VEPH1: variants seen among roughly 807,000 people sequenced by gnomAD.
VEPH1 encodes the protein ventricular zone expressed PH domain containing 1.
In VEPH1, 80 loss-of-function variants were observed where a neutral mutation model predicts 85.2. The ratio of observed to expected loss-of-function variants is 0.94; its 90% CI spans 0.78 to 1.13. VEPH1 has a LOEUF of 1.13. Ranked by LOEUF, VEPH1 falls within the 50% of genes most tolerant of loss-of-function variation. The probability of loss-of-function intolerance (pLI) is 0.00; values close to 1 mark genes in which losing one functional copy is unlikely to be tolerated. For missense variants in VEPH1, 955 were observed against 980.5 expected, an observed-to-expected ratio of 0.97 and a Z score of 0.35; for synonymous variants, 297 against 348.0, an observed-to-expected ratio of 0.85 and a Z score of 1.63.
chr3:157,264,458 TA>T (rs1315366412), intron 13 of VEPH1, among the ~76,000 whole-genome samples: 3 of 152,222 alleles, frequency 2.0e-5, no homozygotes, highest in Non-Finnish European at 4.4e-5. Flanking sequence ...TATGTCTTTA[TA>T]TATCCTATTG....
intron 11 of VEPH1, among the ~76,000 whole-genome samples, chr3:157,310,981 G>A (rs1559946351): frequency 6.6e-6 from 1 of 152,070 alleles, no homozygotes; most frequent in East Asian, 1.9e-4. Context: ...TTCTAGTTCC[G>A]CCACTGACCT....
At chr3:157,404,204 G>T (rs772840678) in intron 6 of VEPH1, among the ~76,000 whole-genome samples, 1 of 152,244 alleles carries the variant, frequency 6.6e-6, no homozygotes, top group South Asian at 2.1e-4. Context: ...GCAAGTACCT[G>T]TGAGCCACCT....
chr3:157,428,182 G>C, intron 5 of VEPH1, 140 bp downstream of exon 5: 1 of 799,418 alleles, frequency 1.3e-6, no homozygotes. Context: ...TACAAACAGA[G>C]TAAGTAGATG....
At chr3:157,396,396 A>T (rs1315684354) in intron 6 of VEPH1, among the ~76,000 whole-genome samples, 2 of 152,222 alleles carry the variant, frequency 1.3e-5, no homozygotes, top group Non-Finnish European at 2.9e-5. Context: ...TGCTGCAGTG[A>T]ACATCCTAGT....
intron 4 of VEPH1, chr3:157,437,833 G>A (rs572907291): frequency 7.0e-4 from 1,030 of 1,470,658 alleles, no homozygotes; most frequent in Middle Eastern, 1.4e-3. Flanking sequence ...CGCCCTGGCC[G>A]CGGTGCTAGA....
At chr3:157,453,680 T>A (rs1323269434) in intron 4 of VEPH1, among the ~76,000 whole-genome samples, 1 of 152,172 alleles carries the variant, frequency 6.6e-6, no homozygotes, top group African/African-American at 2.4e-5. Context: ...TGATGACTCC[T>A]CAGGCTGTCT....
chr3:157,442,363 T>C (rs1364834414), intron 4 of VEPH1: 17 of 1,600,046 alleles, frequency 1.1e-5, no homozygotes, highest in Non-Finnish European at 1.4e-5. Flanking sequence ...CTTGCTACTC[T>C]AGGTTGTGAA....
chr3:157,282,352 C>T (rs1372747624), intron 12 of VEPH1, among the ~76,000 whole-genome samples: 4 of 152,144 alleles, frequency 2.6e-5, no homozygotes, highest in South Asian at 2.1e-4. Context: ...ACTACAGGCA[C>T]GTGCCATTGC....
At chr3:157,481,469 A>ACACAC (rs59231471) in intron 2 of VEPH1, among the ~76,000 whole-genome samples, 1 of 69,756 alleles carries the variant, frequency 1.4e-5, no homozygotes, top group Admixed American at 1.6e-4. Context: ...CACACACAAA[A>ACACAC]AAAAAAAAAA....
intron 6 of VEPH1, among the ~76,000 whole-genome samples, chr3:157,405,754 C>T (rs965863300): frequency 6.6e-6 from 1 of 152,182 alleles, no homozygotes; most frequent in Non-Finnish European, 1.5e-5. Flanking sequence ...TTAGTTTCTT[C>T]CTTCCTGGTC....
chr3:157,267,919 G>A (rs62279635), intron 12 of VEPH1, among the ~76,000 whole-genome samples: 39,450 of 152,136 alleles, frequency 0.26, 5,582 homozygotes, highest in East Asian at 0.42. Flanking sequence ...GAGCTTGGAT[G>A]TTTGAGGTGA....
intron 2 of VEPH1, among the ~76,000 whole-genome samples, chr3:157,474,269 CAT>C (rs1737236704): frequency 6.6e-6 from 1 of 151,914 alleles, no homozygotes; most frequent in African/African-American, 2.4e-5. Context: ...TGTAATTTAA[CAT>C]AAAGATATTC....
intron 10 of VEPH1, among the ~76,000 whole-genome samples, chr3:157,314,330 CAAAAAAAAAAAAAAAAAAAAAAA>C (rs34703314): frequency 1.3e-3 from 55 of 43,202 alleles, no homozygotes; most frequent in African/African-American, 2.7e-3. Context: ...GAGGATCCGT[CAAAAAAAAAAAAAAAAAAAAAAA>C]AAAAAAAAAA....
chr3:157,275,801 T>C (rs1324953260), intron 12 of VEPH1, among the ~76,000 whole-genome samples: 1 of 152,184 alleles, frequency 6.6e-6, no homozygotes, highest in Non-Finnish European at 1.5e-5. Flanking sequence ...TTTCTTTGTA[T>C]GTATTTAAAG....
At chr3:157,332,951 C>A (rs922161051) in intron 9 of VEPH1, among the ~76,000 whole-genome samples, 3 of 152,136 alleles carry the variant, frequency 2.0e-5, no homozygotes, top group Admixed American at 1.3e-4. Context: ...ATTGTACACA[C>A]AGATGAGGAG....
chr3:157,375,481 T>C (rs999459264), intron 7 of VEPH1, among the ~76,000 whole-genome samples: 2 of 152,214 alleles, frequency 1.3e-5, no homozygotes, highest in Admixed American at 6.5e-5. Flanking sequence ...TTACAGGCTG[T>C]GTTGCTTGAG....
Position 157,286,554 on chromosome 3 carries a change from C to T in VEPH1, c.2128+3G>A. 1 of 1,610,804 alleles carries T rather than the reference C, an allele frequency of 6.2e-7. No individual in the cohort carries two copies. The highest frequency in any genetic ancestry group is 1.3e-5 in the African/African-American group (1 of 74,950). ...TTCTTAGCAGCAGGTAAGGGTCTCT[C>T]ACCAGTTGCTTTCTCAGGATTGTTG... On this transcript the variant is annotated splice_donor_region_variant and intron_variant, in intron 12 of 13. Coordinates refer to ENST00000362010, the MANE Select transcript of VEPH1 (RefSeq NM_001167912.2).
chr3:157,438,025 GCGCGCGCGCGCGCA>G (rs1733785820), intron 4 of VEPH1: 1 of 801,756 alleles, frequency 1.2e-6, no homozygotes, highest in African/African-American at 2.6e-5. Context: ...TGGGAAGCGC[GCGCGCGCGCGCGCA>G]CACACACACA....
At chr3:157,433,054 T>C (rs1477794797) in intron 4 of VEPH1, among the ~76,000 whole-genome samples, 1 of 152,196 alleles carries the variant, frequency 6.6e-6, no homozygotes, top group Non-Finnish European at 1.5e-5. Flanking sequence ...AATAAAGCAA[T>C]AGATTTTTGT....
Sources: allele counts gnomAD v4.1 joint callset (sites outside exome capture counted in the v4.1 genomes callset), GRCh38; gene constraint gnomAD v4.1.1; transcripts MANE v1.5; gene names NCBI Gene and HGNC (gene_info 2026-07-23, HGNC 2026-07-21).